TNFSF4: variants seen among roughly 807,000 people sequenced by gnomAD.
The protein encoded by TNFSF4 is TNF superfamily member 4, also known as tumor necrosis factor ligand superfamily member 4.
In TNFSF4, 4 loss-of-function variants were observed where a neutral mutation model predicts 7.3. The observed-to-expected ratio is 0.55, with a 90% CI of 0.27 to 1.25. TNFSF4 has a LOEUF of 1.25. Among genes scored for constraint, TNFSF4 ranks in the 50% most tolerant of loss-of-function variants. TNFSF4 has a pLI of 0.12. For missense variants in TNFSF4, 181 were observed against 208.8 expected (o/e 0.87, Z 0.82); for synonymous variants, 76 against 83.7 (o/e 0.91, Z 0.50).
the TNFSF4 span, among the ~76,000 whole-genome samples, chr1:173,299,552 C>T: frequency 6.6e-6 from 1 of 151,908 alleles, no homozygotes; most frequent in Non-Finnish European, 1.5e-5. Flanking sequence ...TACTTTTCTA[C>T]TAGTTTAGGA....
the TNFSF4 span, among the ~76,000 whole-genome samples, chr1:173,366,803 T>TATAC: frequency 5.3e-5 from 8 of 151,838 alleles, no homozygotes; most frequent in African/African-American, 1.9e-4. Context: ...AAAATATATA[T>TATAC]ATGTCCTATA....
At chr1:173,323,132 C>A in the TNFSF4 span, among the ~76,000 whole-genome samples, 1 of 152,152 alleles carries the variant, frequency 6.6e-6, no homozygotes, top group Non-Finnish European at 1.5e-5. Flanking sequence ...TGGGAGGCAC[C>A]CCACAGGAGG....
chr1:173,255,178 A>G, the TNFSF4 span, among the ~76,000 whole-genome samples: 42 of 152,298 alleles, frequency 2.8e-4, 1 homozygote, highest in East Asian at 7.9e-3. Flanking sequence ...ACAAGGGTCA[A>G]AAAGAATGTG....
At chr1:173,359,510 T>TA in the TNFSF4 span, among the ~76,000 whole-genome samples, 3,714 of 121,560 alleles carry the variant, frequency 0.031, 183 homozygotes, top group Non-Finnish European at 0.041. Flanking sequence ...TTACCAGCTG[T>TA]AAAAAAAAAA....
chr1:173,300,156 G>GATACATAC, the TNFSF4 span, among the ~76,000 whole-genome samples: 1 of 132,062 alleles, frequency 7.6e-6, no homozygotes, highest in South Asian at 2.4e-4. Flanking sequence ...ATAGATGATT[G>GATACATAC]ATAGATACAT....
At chr1:173,192,038 G>T (rs190297358) in intron 1 of TNFSF4, among the ~76,000 whole-genome samples, 2 of 152,178 alleles carry the variant, frequency 1.3e-5, no homozygotes, top group Non-Finnish European at 2.9e-5. Flanking sequence ...TTAGCAAGGC[G>T]TGGTGGTATG....
chr1:173,362,657 A>G, the TNFSF4 span: 1 of 439,368 alleles, frequency 2.3e-6, no homozygotes, highest in Non-Finnish European at 4.5e-6. Flanking sequence ...TTCATCCTGT[A>G]AAGTCTGTAA....
chr1:173,307,483 A>G, the TNFSF4 span, among the ~76,000 whole-genome samples: 37 of 152,056 alleles, frequency 2.4e-4, no homozygotes, highest in Non-Finnish European at 4.4e-4. Flanking sequence ...AATACAGTGC[A>G]TGATCCTGGA....
the TNFSF4 span, among the ~76,000 whole-genome samples, chr1:173,236,962 C>A: frequency 6.6e-6 from 1 of 152,144 alleles, no homozygotes; most frequent in Admixed American, 6.5e-5. Flanking sequence ...TTGTAATAAT[C>A]CCCACATGTC....
chr1:173,334,430 T>C, the TNFSF4 span, among the ~76,000 whole-genome samples: 1 of 152,258 alleles, frequency 6.6e-6, no homozygotes, highest in African/African-American at 2.4e-5. Context: ...GCCTAAGTTC[T>C]CTGCTTAAAC....
the TNFSF4 span, among the ~76,000 whole-genome samples, chr1:173,230,863 T>A: frequency 2.5e-4 from 38 of 152,344 alleles, no homozygotes; most frequent in Admixed American, 2.2e-3. Flanking sequence ...GATAAATTCC[T>A]GGACACATAC....
the TNFSF4 span, among the ~76,000 whole-genome samples, chr1:173,386,083 A>T: frequency 2.0e-5 from 3 of 152,202 alleles, no homozygotes; most frequent in Non-Finnish European, 1.5e-5. Flanking sequence ...TGCCATTTGC[A>T]TCACAGGCCC....
At chr1:173,278,033 T>A in the TNFSF4 span, among the ~76,000 whole-genome samples, 1 of 152,078 alleles carries the variant, frequency 6.6e-6, no homozygotes, top group East Asian at 1.9e-4. Context: ...CTAAATTCAA[T>A]AACCAACAAG....
the TNFSF4 span, among the ~76,000 whole-genome samples, chr1:173,232,841 C>T: frequency 0.026 from 3,897 of 152,206 alleles, 65 homozygotes; most frequent in Admixed American, 0.055. Context: ...GGTGGATAAG[C>T]TCTTTGTTGT....
At chr1:173,231,245 C>T in the TNFSF4 span, among the ~76,000 whole-genome samples, 1 of 152,200 alleles carries the variant, frequency 6.6e-6, no homozygotes, top group Non-Finnish European at 1.5e-5. Context: ...AGCTTATCCA[C>T]CATGATCAAG....
chr1:173,251,082 C>CT, the TNFSF4 span, among the ~76,000 whole-genome samples: 2 of 152,200 alleles, frequency 1.3e-5, no homozygotes, highest in East Asian at 3.9e-4. Context: ...GTCTTAAGCC[C>CT]TACAGGTGAT....
chr1:173,280,486 T>C, the TNFSF4 span, among the ~76,000 whole-genome samples: 2 of 152,120 alleles, frequency 1.3e-5, no homozygotes, highest in Non-Finnish European at 1.5e-5. Flanking sequence ...ATGGAGAACA[T>C]GAAGACAAAA....
the TNFSF4 span, among the ~76,000 whole-genome samples, chr1:173,246,419 G>T: frequency 6.6e-6 from 1 of 151,998 alleles, no homozygotes; most frequent in African/African-American, 2.4e-5. Context: ...TATACTCAAA[G>T]GATTATAAAT....
the TNFSF4 span, among the ~76,000 whole-genome samples, chr1:173,212,918 G>T: frequency 4.0e-5 from 6 of 151,882 alleles, no homozygotes; most frequent in Admixed American, 6.6e-5. Flanking sequence ...ATCTATTTCA[G>T]TCTCCCCCAT....
Sources: gnomAD v4.1 joint callset for allele counts (sites outside exome capture counted in the v4.1 genomes callset) on GRCh38, gnomAD v4.1.1 for gene constraint, MANE v1.5 for transcripts, NCBI Gene and HGNC (gene_info 2026-07-23, HGNC 2026-07-21) for gene names.